Variants in MSL2 observed in about 807,000 individuals in gnomAD.
MSL2 encodes the protein MSL complex subunit 2.
Under a neutral mutation model 35.8 loss-of-function variants are expected in MSL2, and 2 were observed. The ratio of observed to expected loss-of-function variants is 0.06; its 90% CI spans 0.02 to 0.18. The LOEUF is 0.18. MSL2 is among the 10% of genes least tolerant of loss of function. The probability of loss-of-function intolerance (pLI) is 1.00; values close to 1 mark genes in which losing one functional copy is unlikely to be tolerated. For missense variants in MSL2, 523 were observed against 706.7 expected, an observed-to-expected ratio of 0.74 and a Z score of 2.95; for synonymous variants, 296 against 255.7, an observed-to-expected ratio of 1.16 and a Z score of -1.50.
At position 136,195,232 on chromosome 3, in the gene MSL2, T is replaced by G; in HGVS notation, c.-119A>C. On this transcript the variant is annotated 5_prime_UTR_variant, in exon 1 of 2. An upstream start codon of the reference 5' UTR is lost. Transcript: ENST00000309993. Reference sequence around the variant, plus strand: ...TTCGGAAGAAATCAGAGCCGAACCATTGGCCAAACAAGTAACCAAAATCCG... The same window carrying G: ...TTCGGAAGAAATCAGAGCCGAACCAGTGGCCAAACAAGTAACCAAAATCCG... The G allele has an allele frequency of 2.0e-6, 3 of 1,508,924 alleles. No individual in the cohort carries two copies. Among genetic ancestry groups the G allele is most frequent in the Non-Finnish European group, 2.6e-6 (3 of 1,133,474 alleles). 93.5% of individuals were successfully genotyped at this position (1,508,924 alleles called of 1,614,324 possible). A position where few individuals can be genotyped will look rare whatever the true frequency, so the allele number is the denominator to read the frequency against.
At chr3:136,169,813 T>C (rs1056021995) in intron 1 of MSL2, among the ~76,000 whole-genome samples, 9 of 151,594 alleles carry the variant, frequency 5.9e-5, no homozygotes, top group African/African-American at 1.9e-4. Flanking sequence ...CTCCAGCACT[T>C]TGGGAGGCCA....
chr3:136,155,771 T>C, intron 1 of MSL2: 2 of 560,302 alleles, frequency 3.6e-6, no homozygotes, highest in Non-Finnish European at 7.2e-6. Flanking sequence ...CATGTACGTA[T>C]GCAAAGAGAA....
At chr3:136,158,405 A>T (rs1209909702) in intron 1 of MSL2, among the ~76,000 whole-genome samples, 1 of 152,112 alleles carries the variant, frequency 6.6e-6, no homozygotes, top group Non-Finnish European at 1.5e-5. Flanking sequence ...ATTCCACAAC[A>T]TATAATACAA....
chr3:136,155,717 T>A, intron 1 of MSL2: 1 of 502,584 alleles, frequency 2.0e-6, no homozygotes, highest in Non-Finnish European at 4.0e-6. Context: ...CTGGGGTCCT[T>A]TTGTGCCTGC....
At chr3:136,187,117 G>A (rs1260124391) in intron 1 of MSL2, among the ~76,000 whole-genome samples, 4 of 152,158 alleles carry the variant, frequency 2.6e-5, no homozygotes, top group Non-Finnish European at 5.9e-5. Context: ...ATTTTATCAA[G>A]TACATGTTAT....
intron 1 of MSL2, among the ~76,000 whole-genome samples, chr3:136,183,030 A>G (rs968026334): frequency 2.6e-5 from 4 of 151,874 alleles, no homozygotes; most frequent in Non-Finnish European, 5.9e-5. Flanking sequence ...AAAGGATCAA[A>G]CAGTCTCCAA....
At chr3:136,153,999 C>G (rs1372315479) in intron 1 of MSL2, among the ~76,000 whole-genome samples, 1 of 151,870 alleles carries the variant, frequency 6.6e-6, no homozygotes, top group African/African-American at 2.4e-5. Context: ...AGGAGAATCC[C>G]TTGAACCCAG....
chr3:136,153,176 G>A (rs1380665087), intron 1 of MSL2: 11 of 518,654 alleles, frequency 2.1e-5, no homozygotes, highest in African/African-American at 2.1e-4. Flanking sequence ...TCAGGCTACG[G>A]TGAACTATGA....
At position 136,150,474 on chromosome 3, in the gene MSL2, G is replaced by T. The variant is rs1287480726; in HGVS notation, c.*673C>A. 1 of 152,648 alleles carries T rather than the reference G, an allele frequency of 6.6e-6. No homozygotes were observed. The highest frequency in any genetic ancestry group is 1.5e-5 in the Non-Finnish European group (1 of 68,066). The allele number at this position is 152,648 out of a possible 1,614,324, so 9.5% of individuals were successfully genotyped here. ...AGAACACTGCTCAAAGTGAAGGAGG[G>T]ATTTAGAATTTCTTCCCTAGAAATG... On this transcript the variant is annotated 3_prime_UTR_variant, in exon 2 of 2. Coordinates refer to ENST00000309993, the MANE Select transcript of MSL2 (RefSeq NM_018133.4).
At chr3:136,157,073 A>G (rs1939553306) in intron 1 of MSL2, among the ~76,000 whole-genome samples, 1 of 152,220 alleles carries the variant, frequency 6.6e-6, no homozygotes, top group Non-Finnish European at 1.5e-5. Context: ...TCTCAAGTCA[A>G]TAACCAAAGC....
chr3:136,195,531 C>G lies in MSL2; in HGVS notation c.-418G>C. 1 of 1,006,628 alleles carries G rather than the reference C, an allele frequency of 9.9e-7. No individual in the cohort carries two copies. Among genetic ancestry groups the G allele is most frequent in the Non-Finnish European group, 1.2e-6 (1 of 843,836 alleles). The allele number at this position is 1,006,628 out of a possible 1,614,324, so 62.4% of individuals were successfully genotyped here. A position where few individuals can be genotyped will look rare whatever the true frequency, so the allele number is the denominator to read the frequency against. On this transcript the variant is annotated 5_prime_UTR_variant, in exon 1 of 2. Coordinates refer to ENST00000309993, the MANE Select transcript of MSL2 (RefSeq NM_018133.4). The stretch of plus-strand genomic sequence containing the variant: ...AGCTGGCAGGCGCGGGAGCAGGCCC[C>G]GGCCCCGTCTGAGGCGCGGCACGCT...
Position 136,151,584 on chromosome 3 carries a change from C to T in MSL2, c.1297G>A (p.Ala433Thr). ...TKPGILKKDK[A>T]VKEKIPSHHF... ...TGACTAGGAATCTTTTCCTTTACTG[C>T]TTTGTCTTTTTTAAGAATACCTGGC... The change falls in exon 2 of 2, where the codon GCA becomes ACA. Residue 433 changes from alanine to threonine, a missense_variant. Physicochemically the swap from Ala to Thr is moderately conservative, Grantham distance 58 (BLOSUM62 0). Transcript: ENST00000309993. The surrounding 1 kb of genome is among the most constrained non-coding windows in gnomAD (Gnocchi z 5.2). 1 of 1,614,074 alleles carries T rather than the reference C, an allele frequency of 6.2e-7. No homozygotes were observed. The highest frequency in any genetic ancestry group is 1.3e-5 in the African/African-American group (1 of 75,010).
At chr3:136,183,633 G>A (rs1349207853) in intron 1 of MSL2, among the ~76,000 whole-genome samples, 1 of 152,060 alleles carries the variant, frequency 6.6e-6, no homozygotes, top group Admixed American at 6.6e-5. Context: ...ATGTTGCCCA[G>A]GCTAGAAAAA....
chr3:136,176,470 G>A (rs1284798458), intron 1 of MSL2, among the ~76,000 whole-genome samples: 2 of 147,180 alleles, frequency 1.4e-5, no homozygotes, highest in Non-Finnish European at 3.0e-5. Flanking sequence ...AGCCAAGATC[G>A]TGTCACTGCA....
intron 1 of MSL2, among the ~76,000 whole-genome samples, chr3:136,181,102 G>A (rs754490032): frequency 1.3e-5 from 2 of 151,012 alleles, no homozygotes; most frequent in Non-Finnish European, 3.0e-5. Context: ...GCAGTGAGGT[G>A]AGATTGCGCC....
At chr3:136,192,499 G>C (rs1940718733) in intron 1 of MSL2, among the ~76,000 whole-genome samples, 3 of 151,956 alleles carry the variant, frequency 2.0e-5, no homozygotes, top group South Asian at 4.1e-4. Flanking sequence ...GAGCAAGGAA[G>C]ACTTCACCAA....
intron 1 of MSL2, among the ~76,000 whole-genome samples, chr3:136,164,636 C>A (rs1939790472): frequency 6.6e-6 from 1 of 152,014 alleles, no homozygotes; most frequent in Non-Finnish European, 1.5e-5. Flanking sequence ...TAAGAAACCC[C>A]CCACCTCCAA....
intron 1 of MSL2, among the ~76,000 whole-genome samples, chr3:136,158,762 G>C (rs555440993): frequency 2.9e-4 from 44 of 152,240 alleles, no homozygotes; most frequent in African/African-American, 9.9e-4. Flanking sequence ...AGCAAATTTA[G>C]CAAGGTCATA....
intron 1 of MSL2, among the ~76,000 whole-genome samples, chr3:136,188,159 G>A (rs981510342): frequency 6.6e-6 from 1 of 152,162 alleles, no homozygotes; most frequent in Admixed American, 6.5e-5. Flanking sequence ...ACTAGGCCAG[G>A]CGCAGTGGCT....
Sources: gnomAD v4.1 joint callset for allele counts (sites outside exome capture counted in the v4.1 genomes callset) on GRCh38, gnomAD v4.1.1 for gene constraint, Gnocchi (gnomAD v3.1) non-coding constraint, MANE v1.5 for transcripts, NCBI Gene and HGNC (gene_info 2026-07-23, HGNC 2026-07-21) for gene names.